OR2B11: variants seen among roughly 807,000 people sequenced by gnomAD.
OR2B11 encodes olfactory receptor family 2 subfamily B member 11.
For synonymous variants in OR2B11, 198 were observed against 174.5 expected, an observed-to-expected ratio of 1.13 and a Z score of -1.06; for missense variants, 422 against 400.0, an observed-to-expected ratio of 1.05 and a Z score of -0.47.
rs1664799849 is a variant in OR2B11, at chr1:247,449,899, C to T, written c.*1130G>A. Reference sequence around the variant, plus strand: ...GAAAGAGAACCTTTGGGCATTAGGACATTAAAACTGGCCAGGTTGCTGAGA... The same window carrying T: ...GAAAGAGAACCTTTGGGCATTAGGATATTAAAACTGGCCAGGTTGCTGAGA... On this transcript the variant is annotated 3_prime_UTR_variant, in exon 2 of 2. Coordinates refer to ENST00000641149, the MANE Select transcript of OR2B11 (RefSeq NM_001004492.2). The T allele has an allele frequency of 6.6e-6, 1 of 152,194 alleles. No individual in the cohort carries two copies. 9.4% of individuals were successfully genotyped at this position (152,194 alleles called of 1,614,324 possible).
At chr1:247,456,959 T>G (rs4925548) in intron 1 of OR2B11, among the ~76,000 whole-genome samples, 1 of 152,072 alleles carries the variant, frequency 6.6e-6, no homozygotes, top group Non-Finnish European at 1.5e-5. Flanking sequence ...TCAAATAGCT[T>G]CTTATTCTGG....
At position 247,451,538 on chromosome 1, in the gene OR2B11, C is replaced by G. The variant is rs775940388; in HGVS notation, c.445G>C (p.Val149Leu). The G allele has an allele frequency of 9.9e-6, 16 of 1,614,072 alleles. No homozygotes were observed. The highest frequency in any genetic ancestry group is 4.0e-5 in the African/African-American group (3 of 74,944). The stretch of plus-strand genomic sequence containing the variant: ...AAGCCACTGAGCCAGGCCAGAGCCA[C>G]GAGCTGCTGACAGAGAGCACGGTGC... ...LMHRALCQQL[V>L]ALAWLSGFGN... The change falls in exon 2 of 2, where the codon GTG (valine) becomes CTG (leucine). Residue 149 changes from valine to leucine, a missense_variant. Physicochemically the swap from Val to Leu is conservative, Grantham distance 32 (BLOSUM62 1). Transcript: ENST00000641149.
rs1664861550 is a variant in OR2B11 at position 247,452,046 on chromosome 1, A to T, written c.-64T>A. The T allele has an allele frequency of 5.1e-6, 5 of 973,780 alleles. No homozygotes were observed. The highest frequency in any genetic ancestry group is 8.1e-6 in the Non-Finnish European group (5 of 619,520). 60.3% of individuals were successfully genotyped at this position (973,780 alleles called of 1,614,324 possible). On this transcript the variant is annotated 5_prime_UTR_variant, in exon 2 of 2. Coordinates refer to ENST00000641149, the MANE Select transcript of OR2B11 (RefSeq NM_001004492.2). ...ATTGGAATGAATAATACCTGAGAAGAGGAATTGATCACTTTCCTCCCTCTT... is the reference window on the plus strand; with the variant it reads ...ATTGGAATGAATAATACCTGAGAAGTGGAATTGATCACTTTCCTCCCTCTT...
In OR2B11 at chr1:247,452,092, A is replaced by G; in HGVS notation, c.-110T>C. The G allele has an allele frequency of 1.4e-6, 1 of 699,624 alleles. No individual in the cohort carries two copies. The highest frequency in any genetic ancestry group is 1.8e-5 in the South Asian group (1 of 56,534). The allele number at this position is 699,624 out of a possible 1,614,324, so 43.3% of individuals were successfully genotyped here. A position where few individuals can be genotyped will look rare whatever the true frequency, so the allele number is the denominator to read the frequency against. ...CTCTTGCATCCACTCTTCCTTTCCC[A>G]GGTGATAGCCTGTTTGATTCTCCTT... is the stretch of plus-strand genomic sequence containing the variant. On this transcript the variant is annotated 5_prime_UTR_variant, in exon 2 of 2. Coordinates refer to ENST00000641149, the MANE Select transcript of OR2B11 (RefSeq NM_001004492.2).
In OR2B11 at chr1:247,453,353, C is replaced by T. The variant is rs1664889641; in HGVS notation, c.-1371G>A. 6.6e-6 allele frequency: 1 copy of T among 152,150 alleles called. No individual in the cohort carries two copies. Among genetic ancestry groups the T allele is most frequent in the Admixed American group, 6.5e-5 (1 of 15,276 alleles). 9.4% of individuals were successfully genotyped at this position (152,150 alleles called of 1,614,324 possible). ...AATGGAGGAATAAGTTCAGTTTTTC[C>T]CTCCTGCTTCTCTAGTTTCAAAACC... On this transcript the variant is annotated 5_prime_UTR_variant, in exon 2 of 2. Transcript: ENST00000641149.
At chr1:247,456,521 G>GA (rs1438949407) in intron 1 of OR2B11, among the ~76,000 whole-genome samples, 1 of 151,924 alleles carries the variant, frequency 6.6e-6, no homozygotes, top group African/African-American at 2.4e-5. Flanking sequence ...TCGCCTAATG[G>GA]AAAAATTGTA....
chr1:247,451,571 C>T lies in OR2B11; in HGVS notation c.412G>A (p.Val138Ile), dbSNP rs751801675. Residue 138 changes from valine (V) to isoleucine (I), a missense_variant, in exon 2 of 2, where the codon GTT (valine) becomes ATT (isoleucine). Transcript: ENST00000641149. The stretch of plus-strand genomic sequence containing the variant: ...TGACAGAGAGCACGGTGCATGAGAA[C>T]GGCATAGTGCAGGGGCTTGCAGATG... The part of the protein sequence containing the change: ...VAICKPLHYA[V>I]LMHRALCQQL... The T allele has an allele frequency of 6.2e-6, 10 of 1,613,636 alleles. No individual in the cohort carries two copies. Among genetic ancestry groups the T allele is most frequent in the Non-Finnish European group, 8.5e-6 (10 of 1,179,760 alleles).
At chr1:247,457,377 A>C (rs1664983360) in intron 1 of OR2B11, among the ~76,000 whole-genome samples, 1 of 152,034 alleles carries the variant, frequency 6.6e-6, no homozygotes, top group Non-Finnish European at 1.5e-5. Flanking sequence ...TGCAGCGTCC[A>C]CTGTTCAGAT....
chr1:247,455,499 C>T (rs1444865192), intron 1 of OR2B11, among the ~76,000 whole-genome samples: 2 of 152,132 alleles, frequency 1.3e-5, no homozygotes, highest in Admixed American at 1.3e-4. Context: ...GAAAGAGCCC[C>T]TTTCTCCTTA....
rs147039791 is a variant in OR2B11 at position 247,451,690 on chromosome 1, T to C, written c.293A>G (p.Tyr98Cys). The change falls in exon 2 of 2, where the codon TAT becomes TGT. Residue 98 changes from tyrosine to cysteine, a missense_variant. By Grantham distance (194) the Tyr-to-Cys change is radical (BLOSUM62 -2). Transcript: ENST00000641149. ...NMGSSQKTISYGGCTVQYAVF... is the reference protein window; with the variant it reads ...NMGSSQKTISCGGCTVQYAVF... ...TGCATATTGCACAGTGCAGCCTCCA[T>C]AGCTGATGGTCTTCTGGGAACTGCC... The C allele has an allele frequency of 2.8e-4, 448 of 1,614,154 alleles. 1 individual carries two copies. In the African/African-American group the frequency reaches 5.4e-3, roughly 20 times the overall value.
Position 247,452,397 on chromosome 1 carries a change from TTC to T in OR2B11, c.-417_-416del, listed in dbSNP as rs772851421. 9 of 176,110 alleles carry T rather than the reference TTC, an allele frequency of 5.1e-5. No individual in the cohort carries two copies. Among genetic ancestry groups the T allele is most frequent in the Non-Finnish European group, 1.2e-5 (1 of 81,156 alleles). The allele number at this position is 176,110 out of a possible 1,614,324, so 10.9% of individuals were successfully genotyped here. ...TCCCATCACCGTCAGAGTGTTTGAT[TTC>T]TCTCTACATCCACATCGACAAGGAA... On this transcript the variant is annotated 5_prime_UTR_variant, in exon 2 of 2. Transcript: ENST00000641149.
At position 247,454,095 on chromosome 1, in the gene OR2B11, G is replaced by C. The variant is rs6677999; in HGVS notation, c.-2113C>G. The C allele has an allele frequency of 0.78, 118,276 of 152,084 alleles. 46,114 individuals are homozygous for C. Among genetic ancestry groups the C allele is most frequent in the East Asian group, 0.94 (4,851 of 5,164 alleles). 9.4% of individuals were successfully genotyped at this position (152,084 alleles called of 1,614,324 possible). A position where few individuals can be genotyped will look rare whatever the true frequency, so the allele number is the denominator to read the frequency against. ...AGGATAGAAAGGGGCAGGGATTAGA[G>C]AGGAGTGGTTTTCTTGTAATTATAG... On this transcript the variant is annotated 5_prime_UTR_variant, in exon 2 of 2. Coordinates refer to ENST00000641149, the MANE Select transcript of OR2B11 (RefSeq NM_001004492.2).
Position 247,450,836 on chromosome 1 carries a change from C to G in OR2B11, c.*193G>C. 2.4e-6 allele frequency: 1 copy of G among 415,134 alleles called. No individual in the cohort carries two copies. Among genetic ancestry groups the G allele is most frequent in the Non-Finnish European group, 4.3e-6 (1 of 234,490 alleles). The allele number at this position is 415,134 out of a possible 1,614,324, so 25.7% of individuals were successfully genotyped here. On this transcript the variant is annotated 3_prime_UTR_variant, in exon 2 of 2. Coordinates refer to ENST00000641149, the MANE Select transcript of OR2B11 (RefSeq NM_001004492.2). ...TAAACAATGCTTAAAAATATATGGC[C>G]TCTTAGAATTATACGTTTAAAATGA...
In OR2B11 at chr1:247,451,158, G is replaced by A; in HGVS notation, c.825C>T (p.Gly275=). The A allele has an allele frequency of 6.5e-7, 1 of 1,539,514 alleles. No individual in the cohort carries two copies. Among genetic ancestry groups the A allele is most frequent in the Non-Finnish European group, 8.8e-7 (1 of 1,142,812 alleles). ...TGGAATAGAAGAGAGAAATAAATTTGCCCTGCTCTTGGGAGTAGCTGGAAG... is the reference window on the plus strand; with the variant it reads ...TGGAATAGAAGAGAGAAATAAATTTACCCTGCTCTTGGGAGTAGCTGGAAG... ...QPPSSYSQEQ[G]KFISLFYSII... The change falls in exon 2 of 2, where the codon GGC becomes GGT. Residue 275 remains glycine, a synonymous_variant. Transcript: ENST00000641149.
intron 1 of OR2B11, among the ~76,000 whole-genome samples, chr1:247,457,252 T>C (rs1664980985): frequency 6.6e-6 from 1 of 152,052 alleles, no homozygotes; most frequent in African/African-American, 2.4e-5. Context: ...TGCATTCTCT[T>C]TTTCTCTCTT....
rs1664838712 is a variant in OR2B11 at position 247,451,309 on chromosome 1, A to G, written c.674T>C (p.Ile225Thr). 2 of 1,614,004 alleles carry G rather than the reference A, an allele frequency of 1.2e-6. No homozygotes were observed. Among genetic ancestry groups the G allele is most frequent in the African/African-American group, 1.3e-5 (1 of 74,904 alleles). The change falls in exon 2 of 2, where the codon ATT (isoleucine) becomes ACT (threonine). Residue 225 changes from isoleucine to threonine, a missense_variant. By Grantham distance (89) the Ile-to-Thr change is moderately conservative. Coordinates refer to ENST00000641149, the MANE Select transcript of OR2B11 (RefSeq NM_001004492.2). ...CTGGATCCTGAGCACTGCCCGGGCA[A>G]TAAAGCCATAGGAGAGAAGGATGAG... ...LALILLSYGF[I>T]ARAVLRIQSS...
intron 1 of OR2B11, among the ~76,000 whole-genome samples, chr1:247,456,110 A>G (rs888707985): frequency 2.0e-5 from 3 of 152,198 alleles, no homozygotes; most frequent in African/African-American, 4.8e-5. Context: ...TCCCATTTCA[A>G]TAACTCTGGA....
Position 247,451,035 on chromosome 1 carries a change from A to G in OR2B11, c.948T>C (p.Cys316=), listed in dbSNP as rs774760268. 2.0e-6 allele frequency: 3 copies of G among 1,489,230 alleles called. No homozygotes were observed. Among genetic ancestry groups the G allele is most frequent in the Non-Finnish European group, 2.7e-6 (3 of 1,115,872 alleles). The allele number at this position is 1,489,230 out of a possible 1,614,324, so 92.3% of individuals were successfully genotyped here. The part of the protein sequence containing the change: ...RRLLARIWRL[C]G The stretch of plus-strand genomic sequence containing the variant: ...GCTACATCTCATGTCCTCATCATCC[A>G]CAGAGCCTCCAGATCCTGGCCAGAA... Residue 316 remains cysteine (C), a synonymous_variant, in exon 2 of 2, where the codon TGT becomes TGC. Transcript: ENST00000641149.
At position 247,450,737 on chromosome 1, in the gene OR2B11, T is replaced by G. The variant is rs1664824985; in HGVS notation, c.*292A>C. 8.1e-6 allele frequency: 2 copies of G among 247,258 alleles called. No homozygotes were observed. The highest frequency in any genetic ancestry group is 1.1e-4 in the Admixed American group (2 of 18,164). The allele number at this position is 247,258 out of a possible 1,614,324, so 15.3% of individuals were successfully genotyped here. A position where few individuals can be genotyped will look rare whatever the true frequency, so the allele number is the denominator to read the frequency against. ...AAATGGGGAGAGAATAAAAGAAATA[T>G]AGGAAGAGGAAAAGAGAAAAGAATC... On this transcript the variant is annotated 3_prime_UTR_variant, in exon 2 of 2. Coordinates refer to ENST00000641149, the MANE Select transcript of OR2B11 (RefSeq NM_001004492.2).
Sources: allele counts gnomAD v4.1 joint callset (sites outside exome capture counted in the v4.1 genomes callset), GRCh38; gene constraint gnomAD v4.1.1; transcripts MANE v1.5; gene names NCBI Gene and HGNC (gene_info 2026-07-23, HGNC 2026-07-21).